The following RNLS variants were observed in gnomAD, a reference collection of about 807,000 sequenced individuals.
The protein encoded by RNLS is renalase, FAD dependent amine oxidase.
Under a neutral mutation model 39.8 loss-of-function variants are expected in RNLS, and 39 were observed. That is an observed-to-expected ratio of 0.98 (90% CI 0.76 to 1.28). The LOEUF is 1.28. Among genes scored for constraint, RNLS ranks in the 50% most tolerant of loss-of-function variants. The pLI, the probability that RNLS is intolerant of heterozygous loss-of-function variation, is 0.00. For synonymous variants in RNLS, 147 were observed against 150.7 expected, an observed-to-expected ratio of 0.98 and a Z score of 0.18; for missense variants, 410 against 413.3, an observed-to-expected ratio of 0.99 and a Z score of 0.07.
At chr10:88,340,521 T>C (rs906918396) in intron 5 of RNLS, among the ~76,000 whole-genome samples, 9 of 152,162 alleles carry the variant, frequency 5.9e-5, no homozygotes, top group Non-Finnish European at 1.3e-4. Context: ...TTCCTGTAAG[T>C]GTAACTCAAG....
At chr10:88,255,352 C>T in the RNLS span, among the ~76,000 whole-genome samples, 4 of 152,104 alleles carry the variant, frequency 2.6e-5, no homozygotes, top group East Asian at 3.9e-4. Flanking sequence ...GTCTTAATCC[C>T]GGGAATACAG....
chr10:88,265,944 C>T, the RNLS span, among the ~76,000 whole-genome samples: 8 of 152,112 alleles, frequency 5.3e-5, no homozygotes, highest in African/African-American at 1.7e-4. Flanking sequence ...TACTTTTCTC[C>T]GAATTCCTTT....
intron 5 of RNLS, among the ~76,000 whole-genome samples, chr10:88,336,169 G>C (rs1035123874): frequency 2.6e-5 from 4 of 152,166 alleles, no homozygotes; most frequent in Non-Finnish European, 5.9e-5. Flanking sequence ...GCAACCCTAA[G>C]AAACTTTTCT....
chr10:88,537,727 G>A (rs142513564), intron 4 of RNLS, among the ~76,000 whole-genome samples: 1 of 152,288 alleles, frequency 6.6e-6, no homozygotes, highest in East Asian at 1.9e-4. Flanking sequence ...TTAGGGGCTG[G>A]AAGGGAGCTA....
chr10:88,498,310 C>T (rs894248187), intron 4 of RNLS, among the ~76,000 whole-genome samples: 5 of 151,442 alleles, frequency 3.3e-5, no homozygotes, highest in Non-Finnish European at 7.4e-5. Context: ...TCTGAGGAAA[C>T]ATCAGACAAA....
chr10:88,271,898 C>T (rs572397893), downstream of RNLS, among the ~76,000 whole-genome samples: 10 of 152,284 alleles, frequency 6.6e-5, no homozygotes, highest in Non-Finnish European at 1.3e-4. Flanking sequence ...AACTCTGCCA[C>T]GAAGGCCAGG....
At chr10:88,462,998 C>G (rs1007233480) in intron 4 of RNLS, among the ~76,000 whole-genome samples, 1 of 151,938 alleles carries the variant, frequency 6.6e-6, no homozygotes, top group African/African-American at 2.4e-5. Context: ...TAAATACTTG[C>G]CACTTGCATC....
chr10:88,270,507 A>C (rs1266513494), downstream of RNLS, among the ~76,000 whole-genome samples: 1 of 152,176 alleles, frequency 6.6e-6, no homozygotes, highest in Non-Finnish European at 1.5e-5. Flanking sequence ...AGTTTCCTTC[A>C]GGTGCTATGA....
intron 4 of RNLS, among the ~76,000 whole-genome samples, chr10:88,452,328 C>T (rs1842406206): frequency 1.3e-5 from 2 of 152,162 alleles, no homozygotes; most frequent in South Asian, 4.1e-4. Context: ...ACTTTGAAGG[C>T]ACATTGAAGG....
intron 4 of RNLS, among the ~76,000 whole-genome samples, chr10:88,488,190 A>C (rs1844656487): frequency 2.6e-5 from 4 of 152,122 alleles, no homozygotes. Context: ...TAAAACATTA[A>C]ATTATATACT....
At chr10:88,387,888 C>A (rs114074425) in intron 4 of RNLS, among the ~76,000 whole-genome samples, 34 of 152,224 alleles carry the variant, frequency 2.2e-4, no homozygotes, top group African/African-American at 8.2e-4. Flanking sequence ...TGAAGGGCTC[C>A]CTGTTCTTCA....
intron 4 of RNLS, among the ~76,000 whole-genome samples, chr10:88,432,083 A>G (rs1004708732): frequency 6.6e-6 from 1 of 151,658 alleles, no homozygotes; most frequent in Non-Finnish European, 1.5e-5. Flanking sequence ...GATTTTGTCT[A>G]CTTCTTCTTA....
intron 4 of RNLS, among the ~76,000 whole-genome samples, chr10:88,480,304 CT>C (rs1844079519): frequency 6.6e-6 from 1 of 152,222 alleles, no homozygotes; most frequent in Non-Finnish European, 1.5e-5. Flanking sequence ...TTGAAAACCT[CT>C]GATAATTACC....
At chr10:88,203,478 A>G in the RNLS span, among the ~76,000 whole-genome samples, 2 of 109,900 alleles carry the variant, frequency 1.8e-5, no homozygotes, top group African/African-American at 8.6e-5. Flanking sequence ...ATATATATAT[A>G]TATATATATA....
At chr10:88,463,285 G>C (rs1843028046) in intron 4 of RNLS, among the ~76,000 whole-genome samples, 1 of 152,012 alleles carries the variant, frequency 6.6e-6, no homozygotes, top group Non-Finnish European at 1.5e-5. Flanking sequence ...CACACAAGGA[G>C]AATGCTATGT....
chr10:88,437,767 T>C (rs567152562), intron 4 of RNLS, among the ~76,000 whole-genome samples: 12 of 152,232 alleles, frequency 7.9e-5, no homozygotes, highest in African/African-American at 2.9e-4. Context: ...GGTCCAATCC[T>C]ACCCAATGAG....
At chr10:88,393,498 C>T (rs1284219058) in intron 4 of RNLS, among the ~76,000 whole-genome samples, 3 of 152,130 alleles carry the variant, frequency 2.0e-5, no homozygotes, top group Non-Finnish European at 4.4e-5. Flanking sequence ...ATGTGAAGGA[C>T]CTCTTCAAGG....
intron 4 of RNLS, among the ~76,000 whole-genome samples, chr10:88,545,781 C>T (rs908469645): frequency 1.4e-4 from 21 of 152,114 alleles, no homozygotes; most frequent in Non-Finnish European, 2.9e-4. Flanking sequence ...GATAATTTTT[C>T]ATTGGTTTCT....
downstream of RNLS, among the ~76,000 whole-genome samples, chr10:88,270,933 G>A (rs548750363): frequency 5.3e-5 from 8 of 152,322 alleles, no homozygotes; most frequent in Admixed American, 5.2e-4. Flanking sequence ...TTTCTAGAGA[G>A]CCAGGCTCTC....
Sources: allele counts gnomAD v4.1 joint callset (sites outside exome capture counted in the v4.1 genomes callset), GRCh38; gene constraint gnomAD v4.1.1; transcripts MANE v1.5; gene names NCBI Gene and HGNC (gene_info 2026-07-23, HGNC 2026-07-21).